The following BTBD9 variants were observed in gnomAD, a reference collection of about 807,000 sequenced individuals.
The protein encoded by BTBD9 is BTB domain containing 9.
In BTBD9, 49 loss-of-function variants were observed where a neutral mutation model predicts 64.3. That is an observed-to-expected ratio of 0.76 (90% confidence interval 0.61 to 0.97). The LOEUF (loss-of-function observed/expected upper bound fraction) is 0.97. BTBD9 is among the 50% of genes least tolerant of loss of function. The pLI is 0.00. For synonymous variants in BTBD9, 260 were observed against 274.7 expected (o/e 0.95, Z 0.53); for missense variants, 598 against 762.1 (o/e 0.78, Z 2.53).
intron 9 of BTBD9, among the ~76,000 whole-genome samples, chr6:38,206,285 G>C (rs1055652104): frequency 4.0e-5 from 6 of 151,086 alleles, no homozygotes; most frequent in Non-Finnish European, 7.4e-5. Flanking sequence ...GCATGATTTT[G>C]GCTCACTGCA....
intron 6 of BTBD9, among the ~76,000 whole-genome samples, chr6:38,514,857 G>GA (rs1220977232): frequency 3.3e-5 from 5 of 152,186 alleles, no homozygotes; most frequent in Non-Finnish European, 7.3e-5. Flanking sequence ...AGCTATTAGA[G>GA]AACCATCTAA....
intron 5 of BTBD9, among the ~76,000 whole-genome samples, chr6:38,578,688 A>G (rs1329272370): frequency 1.3e-5 from 2 of 152,196 alleles, no homozygotes; most frequent in Non-Finnish European, 2.9e-5. Flanking sequence ...GTAACAGAGG[A>G]TATAATTTTA....
chr6:38,398,777 T>C (rs1213524592), intron 6 of BTBD9, among the ~76,000 whole-genome samples: 1 of 152,256 alleles, frequency 6.6e-6, no homozygotes, highest in Non-Finnish European at 1.5e-5. Flanking sequence ...CTTACCATTT[T>C]TTCCTAATTT....
chr6:38,359,958 C>G (rs561780518), intron 6 of BTBD9, among the ~76,000 whole-genome samples: 6 of 151,150 alleles, frequency 4.0e-5, no homozygotes, highest in African/African-American at 1.5e-4. Context: ...AAAAAAAGTA[C>G]TAGTTAAACT....
At position 38,336,652 on chromosome 6, in the gene BTBD9, T is replaced by C. The variant is rs151083759; in HGVS notation, c.1264+8332A>G. Among the ~76,000 whole-genome samples, 69 of 152,264 alleles carry C rather than the reference T, an allele frequency of 4.5e-4. No individual in the cohort carries two copies. In the East Asian group the frequency reaches 0.013, roughly 29 times the overall value. On this transcript the variant is annotated intron_variant, in intron 7 of 10. Transcript: ENST00000481247. ...GGGAACTACAATTCAAGATGAGATT[T>C]GGATGGGGATACCGCCAAACCATAT...
At chr6:38,434,022 T>C (rs1768584084) in intron 6 of BTBD9, among the ~76,000 whole-genome samples, 1 of 151,978 alleles carries the variant, frequency 6.6e-6, no homozygotes, top group African/African-American at 2.4e-5. Flanking sequence ...TCTCAGCAGA[T>C]GAGTTTTACT....
intron 6 of BTBD9, among the ~76,000 whole-genome samples, chr6:38,479,637 T>C (rs1771041275): frequency 6.6e-6 from 1 of 152,242 alleles, no homozygotes; most frequent in African/African-American, 2.4e-5. Flanking sequence ...GTAGTTGGTA[T>C]TACTACTGCT....
chr6:38,535,616 G>T (rs1425629955), intron 6 of BTBD9, among the ~76,000 whole-genome samples: 1 of 152,004 alleles, frequency 6.6e-6, no homozygotes, highest in East Asian at 1.9e-4. Context: ...AAATGACAAA[G>T]CTAAAGTAAC....
At chr6:38,178,397 A>G (rs914874673) in intron 10 of BTBD9, among the ~76,000 whole-genome samples, 10 of 152,186 alleles carry the variant, frequency 6.6e-5, no homozygotes, top group South Asian at 2.1e-4. Flanking sequence ...ACACGTGAGC[A>G]GGGTCAGGAG....
At chr6:38,287,311 CT>C (rs1164540513) in intron 8 of BTBD9, among the ~76,000 whole-genome samples, 156 of 143,664 alleles carry the variant, frequency 1.1e-3, no homozygotes, top group Admixed American at 9.1e-4. Flanking sequence ...TTATGTTCTT[CT>C]TTTTTTTTTT....
chr6:38,406,113 G>A (rs534626369), intron 6 of BTBD9, among the ~76,000 whole-genome samples: 2 of 152,248 alleles, frequency 1.3e-5, no homozygotes, highest in South Asian at 4.2e-4. Flanking sequence ...CACATTCATA[G>A]GTCTTTAGGT....
chr6:38,269,278 T>C (rs563467873), intron 8 of BTBD9, among the ~76,000 whole-genome samples: 1 of 152,186 alleles, frequency 6.6e-6, no homozygotes, highest in East Asian at 1.9e-4. Context: ...AAAAGATAAT[T>C]AATCAATTTA....
intron 9 of BTBD9, among the ~76,000 whole-genome samples, chr6:38,227,685 T>C (rs1477110287): frequency 1.3e-5 from 2 of 152,178 alleles, no homozygotes; most frequent in South Asian, 4.1e-4. Flanking sequence ...CTTTCCTTTA[T>C]GTATGCAGCT....
Position 38,345,102 on chromosome 6 carries a change from AAAAAG to A in BTBD9, c.1155-14_1155-10del. 1 of 1,566,960 alleles carries A rather than the reference AAAAAG, an allele frequency of 6.4e-7. No homozygotes were observed. ...CAACAATTCGAATATACCTGACGGTAAAAAGAAAAGAAAATGTGTTGAAAATGAGC... is the reference window on the plus strand; with the variant it reads ...CAACAATTCGAATATACCTGACGGTAAAAAGAAAATGTGTTGAAAATGAGC... On this transcript the variant is annotated splice_polypyrimidine_tract_variant and intron_variant, in intron 6 of 10. Coordinates refer to ENST00000481247, the MANE Select transcript of BTBD9 (RefSeq NM_001099272.2).
chr6:38,250,169 A>T (rs986945072), intron 9 of BTBD9, among the ~76,000 whole-genome samples: 9 of 152,212 alleles, frequency 5.9e-5, no homozygotes, highest in Admixed American at 3.9e-4. Context: ...GGGTTTTTTT[A>T]AAACTGTTTA....
intron 1 of BTBD9, among the ~76,000 whole-genome samples, chr6:38,612,267 T>C (rs901327518): frequency 5.3e-5 from 8 of 152,218 alleles, no homozygotes; most frequent in African/African-American, 1.9e-4. Context: ...GTGATTCACA[T>C]AGCTGACTTT....
At chr6:38,207,797 A>C (rs1391562296) in intron 9 of BTBD9, among the ~76,000 whole-genome samples, 1 of 152,226 alleles carries the variant, frequency 6.6e-6, no homozygotes, top group African/African-American at 2.4e-5. Context: ...AAATAACATT[A>C]AATATATTTT....
In BTBD9 at chr6:38,387,529, C is replaced by T. The variant is rs192452148; in HGVS notation, c.1155-42436G>A. Among the ~76,000 whole-genome samples, 864 of 152,226 alleles carry T rather than the reference C, an allele frequency of 5.7e-3. 9 individuals carry two copies. Among genetic ancestry groups the T allele is most frequent in the African/African-American group, 0.019 (796 of 41,506 alleles). ...TCCAGCCTGGGCAAGAAGAGCAAAA[C>T]TCCACCTCAAAAAAACCCAAAACAA... is the stretch of plus-strand genomic sequence containing the variant. On this transcript the variant is annotated intron_variant, in intron 6 of 10. Coordinates refer to ENST00000481247, the MANE Select transcript of BTBD9 (RefSeq NM_001099272.2).
intron 8 of BTBD9, among the ~76,000 whole-genome samples, chr6:38,285,910 T>C (rs1456915962): frequency 6.6e-6 from 1 of 152,186 alleles, no homozygotes; most frequent in African/African-American, 2.4e-5. Context: ...GGATAGGTTG[T>C]AATGGAAAAT....
Sources: gnomAD v4.1 joint callset for allele counts (sites outside exome capture counted in the v4.1 genomes callset) on GRCh38, gnomAD v4.1.1 for gene constraint, MANE v1.5 for transcripts, NCBI Gene and HGNC (gene_info 2026-07-23, HGNC 2026-07-21) for gene names.